The following TF variants were observed in gnomAD, a reference collection of about 807,000 sequenced individuals.
The protein encoded by TF is transferrin.
In TF, 55 loss-of-function variants were observed where a neutral mutation model predicts 82.4. The ratio of observed to expected loss-of-function variants is 0.67; its 90% confidence interval spans 0.54 to 0.84. The LOEUF is 0.84. Among genes scored for constraint, TF ranks in the 40% least tolerant of loss-of-function variants. TF has a pLI of 0.00. For synonymous variants in TF, 332 were observed against 332.6 expected (o/e 1.00, Z 0.02); for missense variants, 737 against 868.4 (o/e 0.85, Z 1.90).
At chr3:133,701,034 G>A in the TF span, 25 of 152,594 alleles carry the variant, frequency 1.6e-4, no homozygotes, top group African/African-American at 6.0e-4. Flanking sequence ...ATTTTTCCGC[G>A]ACTCAGGATC....
upstream of TF, among the ~76,000 whole-genome samples, chr3:133,744,313 G>A (rs1046859373): frequency 1.3e-5 from 2 of 152,172 alleles, no homozygotes; most frequent in African/African-American, 2.4e-5. Flanking sequence ...CATGCCCTGC[G>A]TTGAGCTTCC....
chr3:133,685,155 C>A, the TF span, among the ~76,000 whole-genome samples: 3 of 152,152 alleles, frequency 2.0e-5, no homozygotes, highest in Non-Finnish European at 2.9e-5. Context: ...ATTCAACAGC[C>A]CTTCATGCTA....
chr3:133,756,946 C>T lies in TF; in HGVS notation c.807C>T (p.Thr269=), dbSNP rs756846601. Residue 269 remains threonine (T), a synonymous_variant, in exon 7 of 17, where the codon ACC becomes ACT. Transcript: ENST00000402696. ...ACTTGGCCCAGGTCCCTTCTCATACCGTCGTGGCCCGAAGTATGGGCGGCA... is the reference window on the plus strand; with the variant it reads ...ACTTGGCCCAGGTCCCTTCTCATACTGTCGTGGCCCGAAGTATGGGCGGCA... ...DCHLAQVPSH[T]VVARSMGGKE... 17 of 1,614,014 alleles carry T rather than the reference C, an allele frequency of 1.1e-5. No individual in the cohort carries two copies. The highest frequency in any genetic ancestry group is 5.3e-5 in the African/African-American group (4 of 74,920).
chr3:133,758,050 T>C, intron 8 of TF, 104 bp downstream of exon 8: 1 of 1,108,944 alleles, frequency 9.0e-7, no homozygotes, highest in Non-Finnish European at 1.3e-6. Context: ...CCTCTCCTGA[T>C]GCTCCTTTTT....
rs1384544038 is a variant in TF at position 133,790,525 on chromosome 3, G to A, written c.*11905G>A. On this transcript the variant is annotated 3_prime_UTR_variant, in exon 17 of 17. Transcript: ENST00000402696. ...AGTAGAGGAGAACGATATGGAAAAA[G>A]TTTAGATAATAAAATATTCTTTAAA... The A allele has an allele frequency of 1.3e-5, 2 of 152,196 alleles. No individual in the cohort carries two copies. Among genetic ancestry groups the A allele is most frequent in the South Asian group, 2.1e-4 (1 of 4,832 alleles). The allele number at this position is 152,196 out of a possible 1,614,324, so 9.4% of individuals were successfully genotyped here. A position where few individuals can be genotyped will look rare whatever the true frequency, so the allele number is the denominator to read the frequency against.
chr3:133,745,463 C>G (rs977762397), upstream of TF, among the ~76,000 whole-genome samples: 10 of 152,276 alleles, frequency 6.6e-5, no homozygotes, highest in Non-Finnish European at 1.5e-4. Flanking sequence ...ATTCCTTGTG[C>G]ATGATTGAAG....
At chr3:133,742,736 C>G (rs2107902426), upstream of TF, among the ~76,000 whole-genome samples, 1 of 152,278 alleles carries the variant, frequency 6.6e-6, no homozygotes, top group Non-Finnish European at 1.5e-5. Context: ...CAGACAGAGG[C>G]TCTTTGTTTG....
In TF at chr3:133,755,371, A is replaced by C. The variant is rs770157032; in HGVS notation, c.511A>C (p.Asn171His). The stretch of plus-strand genomic sequence containing the variant: ...TTCTCTGTGCTGAGCAGCAGTGGCC[A>C]ATTTCTTCTCGGGCAGCTGTGCCCC... ...PRKPLEKAVANFFSGSCAPCA... is the reference protein window; with the variant it reads ...PRKPLEKAVAHFFSGSCAPCA... Residue 171 changes from asparagine (N) to histidine (H), a missense_variant, in exon 5 of 17, where the codon AAT becomes CAT. Transcript: ENST00000402696. 6.2e-7 allele frequency: 1 copy of C among 1,614,138 alleles called. No homozygotes were observed. Among genetic ancestry groups the C allele is most frequent in the Non-Finnish European group, 8.5e-7 (1 of 1,180,038 alleles).
chr3:133,770,540 T>G lies in TF; in HGVS notation c.1655T>G (p.Val552Gly). The change falls in exon 14 of 17, where the codon GTG (valine) becomes GGG (glycine). Residue 552 changes from valine (V) to glycine (G), a missense_variant. Physicochemically the swap from Val to Gly is moderately radical, Grantham distance 109 (BLOSUM62 -3). Transcript: ENST00000402696. ...GTTGAGAAGGGAGATGTGGCCTTTG[T>G]GAAACACCAGACTGTCCCACAGAAC... The part of the protein sequence containing the change: ...CLVEKGDVAF[V>G]KHQTVPQNTG... The G allele has an allele frequency of 6.2e-7, 1 of 1,614,122 alleles. No homozygotes were observed. Among genetic ancestry groups the G allele is most frequent in the Non-Finnish European group, 8.5e-7 (1 of 1,180,028 alleles).
At chr3:133,675,167 C>T in the TF span, among the ~76,000 whole-genome samples, 1 of 149,134 alleles carries the variant, frequency 6.7e-6, no homozygotes, top group African/African-American at 2.5e-5. Context: ...ATCTCTTGAA[C>T]CCAGGAGAGG....
the TF span, among the ~76,000 whole-genome samples, chr3:133,729,681 G>T: frequency 6.6e-6 from 1 of 152,102 alleles, no homozygotes; most frequent in South Asian, 2.1e-4. Flanking sequence ...TGCACCCACT[G>T]TCTGGCACTC....
Position 133,793,398 on chromosome 3 carries a change from C to G in TF, c.*14778C>G, listed in dbSNP as rs1468894485. 6.6e-6 allele frequency: 1 copy of G among 152,036 alleles called. No homozygotes were observed. Among genetic ancestry groups the G allele is most frequent in the African/African-American group, 2.4e-5 (1 of 41,406 alleles). 9.4% of individuals were successfully genotyped at this position (152,036 alleles called of 1,614,324 possible). Reference sequence around the variant, plus strand: ...TCAGCTTCAAAATTGTCTTTTCTAACCTCTAACTTTGAGATGCTGCAGAGG... The same window carrying G: ...TCAGCTTCAAAATTGTCTTTTCTAAGCTCTAACTTTGAGATGCTGCAGAGG... On this transcript the variant is annotated 3_prime_UTR_variant, in exon 17 of 17. Transcript: ENST00000402696.
the TF span, among the ~76,000 whole-genome samples, chr3:133,730,841 T>C: frequency 6.6e-6 from 1 of 152,130 alleles, no homozygotes; most frequent in South Asian, 2.1e-4. Context: ...TTTCCCTGAG[T>C]GGTAGAAGTG....
the TF span, among the ~76,000 whole-genome samples, chr3:133,726,442 C>T: frequency 4.6e-5 from 7 of 152,162 alleles, no homozygotes; most frequent in East Asian, 3.9e-4. Context: ...AGTTTATTTG[C>T]GTAGAGGTGT....
the TF span, among the ~76,000 whole-genome samples, chr3:133,698,709 C>A: frequency 1.6e-4 from 24 of 152,218 alleles, no homozygotes; most frequent in Non-Finnish European, 3.2e-4. Context: ...TAACTAATTA[C>A]ATTTTCAAGG....
At chr3:133,680,519 ATTTCT>A in the TF span, among the ~76,000 whole-genome samples, 1 of 134,100 alleles carries the variant, frequency 7.5e-6, no homozygotes, top group Non-Finnish European at 1.6e-5. Flanking sequence ...TCCACCTTTT[ATTTCT>A]TTTCTTTTCT....
chr3:133,665,762 T>C, the TF span, among the ~76,000 whole-genome samples: 1 of 151,606 alleles, frequency 6.6e-6, no homozygotes, highest in African/African-American at 2.4e-5. Context: ...CTGACCAACA[T>C]GAAGAAACCC....
chr3:133,681,722 C>G, the TF span, among the ~76,000 whole-genome samples: 1 of 152,216 alleles, frequency 6.6e-6, no homozygotes. Flanking sequence ...CTGGGTGAAG[C>G]CCACTGCAGC....
At chr3:133,770,774 C>T (rs1934240268) in intron 14 of TF, 1 of 635,932 alleles carries the variant, frequency 1.6e-6, no homozygotes, top group Non-Finnish European at 2.8e-6. Context: ...CCCAATGGCC[C>T]TAAATCCTCC....
Sources: gnomAD v4.1 joint callset for allele counts (sites outside exome capture counted in the v4.1 genomes callset) on GRCh38, gnomAD v4.1.1 for gene constraint, MANE v1.5 for transcripts, NCBI Gene and HGNC (gene_info 2026-07-23, HGNC 2026-07-21) for gene names.